The following PADI4 variants were observed in gnomAD, a reference collection of about 807,000 sequenced individuals.
PADI4 encodes the protein peptidyl arginine deiminase 4.
A neutral mutation model predicts 75.0 loss-of-function variants in PADI4; 62 were observed. The ratio of observed to expected loss-of-function variants is 0.83; its 90% CI spans 0.67 to 1.02. PADI4 has a LOEUF of 1.02. PADI4 is among the 50% of genes least tolerant of loss of function. PADI4 has a pLI of 0.00. For missense variants in PADI4, 845 were observed against 850.5 expected, an observed-to-expected ratio of 0.99 and a Z score of 0.08; for synonymous variants, 361 against 348.1, an observed-to-expected ratio of 1.04 and a Z score of -0.41.
At chr1:17,337,839 T>TG (rs1347435296) in intron 4 of PADI4, among the ~76,000 whole-genome samples, 199 bp from the exon 5 acceptor site, 1 of 152,032 alleles carries the variant, frequency 6.6e-6, no homozygotes, top group Admixed American at 6.6e-5. Context: ...CACTTCAACC[T>TG]GGGGGGTGGA....
rs926894112 is a variant in PADI4 at position 17,356,913 on chromosome 1, T to C, written c.1558+454T>C. Among the ~76,000 whole-genome samples the C allele has an allele frequency of 1.5e-4, 23 of 152,088 alleles. No homozygotes were observed. The highest frequency in any genetic ancestry group is 3.9e-4 in the African/African-American group (16 of 41,398). On this transcript the variant is annotated intron_variant, in intron 13 of 15. Coordinates refer to ENST00000375448, the MANE Select transcript of PADI4 (RefSeq NM_012387.3). The surrounding 1 kb of genome is among the most constrained non-coding windows in gnomAD (Gnocchi z 4.1). ...AGGTTCGGTATAGCTGGAGCACAGA[T>C]GAAATATTACTCTCTCAGCAGAGCT...
chr1:17,352,209 T>TGGTCAGGGAAGAGATGGGAGGTGGG (rs2074672317), intron 10 of PADI4, among the ~76,000 whole-genome samples: 2 of 103,914 alleles, frequency 1.9e-5, no homozygotes, highest in African/African-American at 7.2e-5. Flanking sequence ...TGGGAGGTGG[T>TGGTCAGGGAAGAGATGGGAGGTGGG]AAGAGGGGTG....
intron 1 of PADI4, among the ~76,000 whole-genome samples, chr1:17,315,634 G>A (rs76286252): frequency 0.021 from 3,225 of 151,930 alleles, 61 homozygotes; most frequent in Middle Eastern, 0.031. Flanking sequence ...ATGGCCCTTC[G>A]GGAAGGACCC....
At chr1:17,332,908 C>T (rs548190241) in intron 2 of PADI4, among the ~76,000 whole-genome samples, 1 of 152,190 alleles carries the variant, frequency 6.6e-6, no homozygotes, top group African/African-American at 2.4e-5. Flanking sequence ...GAGTTTGACA[C>T]AGAGGGGCAG....
chr1:17,343,628 T>C (rs1346502494), intron 8 of PADI4, among the ~76,000 whole-genome samples: 2 of 152,194 alleles, frequency 1.3e-5, no homozygotes, highest in Non-Finnish European at 2.9e-5. Context: ...GGGAGGGACC[T>C]GGTGGGAGAT....
At chr1:17,316,970 C>G (rs971562093) in intron 1 of PADI4, among the ~76,000 whole-genome samples, 1 of 152,234 alleles carries the variant, frequency 6.6e-6, no homozygotes, top group Non-Finnish European at 1.5e-5. Flanking sequence ...GCCGATGAGA[C>G]AGTGTGTGTA....
intron 1 of PADI4, among the ~76,000 whole-genome samples, chr1:17,312,983 G>A (rs1015852733): frequency 6.6e-6 from 1 of 151,704 alleles, no homozygotes; most frequent in Non-Finnish European, 1.5e-5. Flanking sequence ...TGAGGTCAAG[G>A]GATGGAGACC....
chr1:17,355,171 G>C (rs1305916859), intron 11 of PADI4, among the ~76,000 whole-genome samples: 1 of 152,244 alleles, frequency 6.6e-6, no homozygotes, highest in East Asian at 1.9e-4. Flanking sequence ...CTGGGACAGA[G>C]AGTTCCTGGC....
chr1:17,351,717 T>C (rs1313706853), intron 10 of PADI4, among the ~76,000 whole-genome samples: 1 of 151,584 alleles, frequency 6.6e-6, no homozygotes, highest in Non-Finnish European at 1.5e-5. Flanking sequence ...GTGAGCGAGT[T>C]GGCCATGTGA....
chr1:17,363,532 T>C lies in PADI4; in HGVS notation c.1769T>C (p.Leu590Pro). 1 of 1,610,980 alleles carries C rather than the reference T, an allele frequency of 6.2e-7. No homozygotes were observed. Among genetic ancestry groups the C allele is most frequent in the Non-Finnish European group, 8.5e-7 (1 of 1,177,528 alleles). Residue 590 changes from leucine (L) to proline (P), a missense_variant, in exon 16 of 16, where the codon CTG (leucine) becomes CCG (proline). Leu to Pro is a moderately conservative substitution (Grantham distance 98). Transcript: ENST00000375448. ...CTCACTTCCCTGCAGGTGAACATGCTGGTGCTAGGGAAGCACCTGGGCATC... is the reference window on the plus strand; with the variant it reads ...CTCACTTCCCTGCAGGTGAACATGCCGGTGCTAGGGAAGCACCTGGGCATC... ...EAFFPNMVNM[L>P]VLGKHLGIPK...
chr1:17,322,227 C>T (rs1042098893), intron 1 of PADI4, among the ~76,000 whole-genome samples: 11 of 152,170 alleles, frequency 7.2e-5, no homozygotes, highest in Non-Finnish European at 2.9e-5. Flanking sequence ...GTGGCTCATG[C>T]CTGTAATCCC....
At chr1:17,345,048 A>G (rs1475308061) in intron 8 of PADI4, among the ~76,000 whole-genome samples, 1 of 152,240 alleles carries the variant, frequency 6.6e-6, no homozygotes, top group Non-Finnish European at 1.5e-5. Flanking sequence ...GAGGGAGGCT[A>G]TACCCTGCAA....
chr1:17,359,559 AC>A, intron 15 of PADI4, 151 bp downstream of exon 15: 1 of 993,250 alleles, frequency 1.0e-6, no homozygotes, highest in Non-Finnish European at 1.5e-6. Flanking sequence ...GTCAGACGTG[AC>A]CAGGTCCATG....
chr1:17,313,052 T>C (rs2073866796), intron 1 of PADI4, among the ~76,000 whole-genome samples: 1 of 151,544 alleles, frequency 6.6e-6, no homozygotes, highest in South Asian at 2.1e-4. Flanking sequence ...TAGCTGAGCA[T>C]GGTGGCGTGC....
intron 15 of PADI4, among the ~76,000 whole-genome samples, chr1:17,360,282 CTT>C (rs1317832103): frequency 1.4e-5 from 2 of 145,480 alleles, no homozygotes; most frequent in African/African-American, 5.2e-5. Flanking sequence ...CAGAGTGAGA[CTT>C]TGTCTCGGGA....
chr1:17,363,208 T>C (rs1283510152), intron 15 of PADI4, among the ~76,000 whole-genome samples: 1 of 152,206 alleles, frequency 6.6e-6, no homozygotes, highest in Non-Finnish European at 1.5e-5. Flanking sequence ...AGCCTTGACC[T>C]CCTGGGCTCA....
intron 15 of PADI4, among the ~76,000 whole-genome samples, chr1:17,361,419 G>A (rs1167513317): frequency 6.6e-6 from 1 of 152,244 alleles, no homozygotes; most frequent in Non-Finnish European, 1.5e-5. Context: ...CCCAGAGGGA[G>A]TCTGAGCATG....
chr1:17,356,150 A>ATTGAG lies in PADI4; in HGVS notation c.1455+23_1455+24insTTGAG. The ATTGAG allele has an allele frequency of 6.2e-7, 1 of 1,611,390 alleles. No individual in the cohort carries two copies. The highest frequency in any genetic ancestry group is 8.5e-7 in the Non-Finnish European group (1 of 1,178,094). ...AAGGTACAGTCTTGGGGGCTGCCTC[A>ATTGAG]GGAAGCCATGCCTCCTTCCTGGGTA... On this transcript the variant is annotated intron_variant, in intron 12 of 15. Transcript: ENST00000375448. The surrounding 1 kb of genome is among the most constrained non-coding windows in gnomAD (Gnocchi z 4.1).
Position 17,332,954 on chromosome 1 carries a change from C to T in PADI4, c.274-989C>T, listed in dbSNP as rs1339370143. On this transcript the variant is annotated intron_variant, in intron 2 of 15. Coordinates refer to ENST00000375448, the MANE Select transcript of PADI4 (RefSeq NM_012387.3). The stretch of plus-strand genomic sequence containing the variant: ...CTCTCTGGATGAGAAAAGGGTGAGA[C>T]ACGTGTTGGGGAAACTGAGGAAGTT... Among the ~76,000 whole-genome samples, 3 of 152,224 alleles carry T rather than the reference C, an allele frequency of 2.0e-5. No individual in the cohort carries two copies. The South Asian group carries it at 6.2e-4, about 32-fold the overall frequency.
Sources: gnomAD v4.1 joint callset for allele counts (sites outside exome capture counted in the v4.1 genomes callset) on GRCh38, gnomAD v4.1.1 for gene constraint, Gnocchi (gnomAD v3.1) non-coding constraint, MANE v1.5 for transcripts, NCBI Gene and HGNC (gene_info 2026-07-23, HGNC 2026-07-21) for gene names.